Variants in PRKN observed in about 807,000 individuals in gnomAD.
PRKN encodes the protein parkin RBR E3 ubiquitin protein ligase.
Under a neutral mutation model 59.5 loss-of-function variants are expected in PRKN, and 56 were observed. The observed-to-expected ratio is 0.94, with a 90% CI of 0.76 to 1.18. The LOEUF is 1.18. Ranked by LOEUF, PRKN falls within the 50% of genes most tolerant of loss-of-function variation. The pLI is 0.00. For synonymous variants in PRKN, 250 were observed against 222.1 expected, an observed-to-expected ratio of 1.13 and a Z score of -1.12; for missense variants, 657 against 596.4, an observed-to-expected ratio of 1.10 and a Z score of -1.06.
chr6:161,796,599 A>C (rs1181130961), intron 6 of PRKN, among the ~76,000 whole-genome samples: 1 of 152,228 alleles, frequency 6.6e-6, no homozygotes, highest in Admixed American at 6.5e-5. Flanking sequence ...ATAAAAAATT[A>C]TCACGATACT....
chr6:161,532,515 T>A (rs548262840), intron 9 of PRKN, among the ~76,000 whole-genome samples: 196 of 152,204 alleles, frequency 1.3e-3, no homozygotes, highest in South Asian at 3.1e-3. Context: ...GAGTAGGCTG[T>A]GATTCCCAGT....
chr6:162,690,469 G>A (rs758511406), intron 1 of PRKN, among the ~76,000 whole-genome samples: 3 of 152,124 alleles, frequency 2.0e-5, no homozygotes, highest in Non-Finnish European at 2.9e-5. Context: ...AAGGGAAAGC[G>A]GTAGCTTTCA....
intron 2 of PRKN, among the ~76,000 whole-genome samples, chr6:162,382,084 A>G (rs1786521311): frequency 6.6e-6 from 1 of 152,154 alleles, no homozygotes. Flanking sequence ...CTTTTTGATA[A>G]TTAAAACTAG....
At chr6:162,657,165 T>C (rs1385555138) in intron 1 of PRKN, among the ~76,000 whole-genome samples, 2 of 152,104 alleles carry the variant, frequency 1.3e-5, no homozygotes, top group Non-Finnish European at 2.9e-5. Context: ...AATGAATGAA[T>C]GAAAAAATGA....
Position 161,393,011 on chromosome 6 carries a change from T to C in PRKN, c.1084-6134A>G, listed in dbSNP as rs1043207654. Among the ~76,000 whole-genome samples, 2 of 152,112 alleles carry C rather than the reference T, an allele frequency of 1.3e-5. No individual in the cohort carries two copies. The highest frequency in any genetic ancestry group is 4.1e-4 in the South Asian group (2 of 4,828). ...TGTTTAAATACCAGATGTAGATTAG[T>C]GTTTAGAAGTGAACCCTTTGAGGTA... On this transcript the variant is annotated intron_variant, in intron 9 of 11. Transcript: ENST00000366898. The surrounding 1 kb of genome is among the most constrained non-coding windows in gnomAD (Gnocchi z 4.7).
chr6:162,562,679 T>G (rs1447697584), intron 1 of PRKN, among the ~76,000 whole-genome samples: 1 of 152,142 alleles, frequency 6.6e-6, no homozygotes, highest in Non-Finnish European at 1.5e-5. Flanking sequence ...TCAGCAGCAA[T>G]ACCAGGTTGA....
intron 7 of PRKN, among the ~76,000 whole-genome samples, chr6:161,678,072 A>G (rs984295660): frequency 5.3e-5 from 8 of 152,138 alleles, no homozygotes; most frequent in African/African-American, 9.7e-5. Context: ...TAAATGGCAA[A>G]AAGTAGAAAA....
At chr6:161,449,213 G>A (rs905933680) in intron 9 of PRKN, among the ~76,000 whole-genome samples, 16 of 152,164 alleles carry the variant, frequency 1.1e-4, no homozygotes, top group Admixed American at 5.2e-4. Context: ...GTAATGCCCC[G>A]GTTTCAAAAT....
intron 7 of PRKN, among the ~76,000 whole-genome samples, chr6:161,721,511 G>A (rs1027072286): frequency 1.3e-5 from 2 of 152,144 alleles, no homozygotes; most frequent in African/African-American, 4.8e-5. Context: ...GCTAAGTAGT[G>A]ATTATTTACT....
intron 1 of PRKN, among the ~76,000 whole-genome samples, chr6:162,664,373 T>C (rs1270300140): frequency 2.0e-5 from 3 of 152,226 alleles, no homozygotes; most frequent in Non-Finnish European, 4.4e-5. Context: ...TATGTCTTTA[T>C]AGCAGAATGA....
chr6:161,441,778 G>A (rs911848421), intron 9 of PRKN, among the ~76,000 whole-genome samples: 12 of 152,136 alleles, frequency 7.9e-5, no homozygotes, highest in African/African-American at 2.9e-4. Context: ...GGGCCTCAGG[G>A]TCCCAGGAAG....
intron 1 of PRKN, among the ~76,000 whole-genome samples, chr6:162,459,384 T>G (rs992340196): frequency 6.6e-6 from 1 of 152,180 alleles, no homozygotes; most frequent in South Asian, 2.1e-4. Context: ...ATATCTTATA[T>G]TAACTTAGCA....
intron 3 of PRKN, among the ~76,000 whole-genome samples, chr6:162,230,595 T>A (rs947309122): frequency 6.6e-6 from 1 of 152,228 alleles, no homozygotes; most frequent in African/African-American, 2.4e-5. Flanking sequence ...ATCTACTGAC[T>A]TCAATTTCAT....
At chr6:162,501,630 ACAGGTGTGAGC>A (rs1456170768) in intron 1 of PRKN, among the ~76,000 whole-genome samples, 2 of 151,814 alleles carry the variant, frequency 1.3e-5, no homozygotes, top group Non-Finnish European at 2.9e-5. Flanking sequence ...TGCTGGGATT[ACAGGTGTGAGC>A]CACCGCGCCC....
At chr6:162,346,281 G>A (rs80191050) in intron 2 of PRKN, among the ~76,000 whole-genome samples, 12 of 151,860 alleles carry the variant, frequency 7.9e-5, no homozygotes, top group East Asian at 5.8e-4. Flanking sequence ...CATTTTTGCC[G>A]TATTTTCCAC....
intron 2 of PRKN, among the ~76,000 whole-genome samples, chr6:162,369,424 T>A (rs1785627513): frequency 6.6e-6 from 1 of 152,140 alleles, no homozygotes. Context: ...AATCTACCCT[T>A]GAACATCAGG....
At chr6:161,415,988 TC>T (rs1165354526) in intron 9 of PRKN, among the ~76,000 whole-genome samples, 1 of 151,996 alleles carries the variant, frequency 6.6e-6, no homozygotes, top group East Asian at 1.9e-4. Flanking sequence ...CCGTCTTTAC[TC>T]AAATCGCACC....
intron 7 of PRKN, among the ~76,000 whole-genome samples, chr6:161,658,633 C>T (rs773666631): frequency 1.3e-5 from 2 of 152,066 alleles, no homozygotes; most frequent in Non-Finnish European, 2.9e-5. Context: ...AGAGGTGGAG[C>T]TTGGGGACAT....
In PRKN at chr6:162,442,532, C is replaced by T. The variant is rs1053184966; in HGVS notation, c.171+778G>A. Among the ~76,000 whole-genome samples, 5 of 152,296 alleles carry T rather than the reference C, an allele frequency of 3.3e-5. No homozygotes were observed. The South Asian group carries it at 1.0e-3, about 32-fold the overall frequency. ...TAGGTGATGGTGGTATTATCAGTCA[C>T]CTCACCAGTCCCCCTAATTCCTACA... On this transcript the variant is annotated intron_variant, in intron 2 of 11. Coordinates refer to ENST00000366898, the MANE Select transcript of PRKN (RefSeq NM_004562.3).
Sources: gnomAD v4.1 joint callset for allele counts (sites outside exome capture counted in the v4.1 genomes callset) on GRCh38, gnomAD v4.1.1 for gene constraint, Gnocchi (gnomAD v3.1) non-coding constraint, MANE v1.5 for transcripts, NCBI Gene and HGNC (gene_info 2026-07-23, HGNC 2026-07-21) for gene names.